UTP6: variants seen among roughly 807,000 people sequenced by gnomAD.
The protein encoded by UTP6 is UTP6 small subunit processome component.
UTP6 carries 60 observed loss-of-function variants against 96.5 expected under a neutral mutation model. That is an observed-to-expected ratio of 0.62 (90% CI 0.51 to 0.77). The LOEUF (loss-of-function observed/expected upper bound fraction) is 0.77, where lower values mean the gene tolerates loss of function less well. Among genes scored for constraint, UTP6 ranks in the 30% least tolerant of loss-of-function variants. The probability of loss-of-function intolerance (pLI) is 0.00; values close to 1 mark genes in which losing one functional copy is unlikely to be tolerated. For missense variants in UTP6, 637 were observed against 706.5 expected (o/e 0.90, Z 1.12); for synonymous variants, 215 against 240.1 (o/e 0.90, Z 0.96).
intron 18 of UTP6, 63 bp from the exon 19 acceptor site, chr17:31,863,579 T>C: frequency 7.0e-6 from 10 of 1,420,246 alleles, no homozygotes; most frequent in Non-Finnish European, 7.7e-6. Context: ...CCTTATTAAA[T>C]ATCAATTCAA....
At chr17:31,877,319 T>G (rs1192387027) in intron 13 of UTP6, among the ~76,000 whole-genome samples, 2 of 152,288 alleles carry the variant, frequency 1.3e-5, no homozygotes, top group Admixed American at 1.3e-4. Flanking sequence ...ATTGTACAAA[T>G]TTGTGAAAAA....
chr17:31,897,360 A>G (rs1237900134), intron 2 of UTP6, among the ~76,000 whole-genome samples: 2 of 152,064 alleles, frequency 1.3e-5, no homozygotes, highest in African/African-American at 4.8e-5. Flanking sequence ...GACCTCTTCC[A>G]AAAACAATAG....
chr17:31,898,029 A>G (rs949553800), intron 2 of UTP6, among the ~76,000 whole-genome samples: 17 of 152,070 alleles, frequency 1.1e-4, no homozygotes, highest in African/African-American at 4.1e-4. Flanking sequence ...CTCTTGCTGA[A>G]GTCCTGATAC....
chr17:31,869,235 C>G (rs1414737136), intron 16 of UTP6, among the ~76,000 whole-genome samples: 1 of 152,196 alleles, frequency 6.6e-6, no homozygotes, highest in East Asian at 1.9e-4. Context: ...GTGCTGAGAT[C>G]ATGACTCACT....
chr17:31,865,124 T>G (rs575245928), intron 18 of UTP6, among the ~76,000 whole-genome samples: 1 of 152,316 alleles, frequency 6.6e-6, no homozygotes, highest in East Asian at 1.9e-4. Flanking sequence ...GCTCAAGCGA[T>G]TCTCCTGCCT....
chr17:31,899,691 GA>G lies in UTP6; in HGVS notation c.131del (p.Ile44ThrfsTer24). On this transcript the variant is annotated frameshift_variant, in exon 2 of 19. Transcript: ENST00000261708. LOFTEE classifies it high-confidence loss of function. ...IKKASDLEYK[I>X]QRRTLFKEDF... ...CTTCCTTGAAAAGGGTTCTTCTCTG[GA>G]TTTTGTACTCTAGATCGGAAGCCTT... is the stretch of plus-strand genomic sequence containing the variant. 6.2e-7 allele frequency: 1 copy of G among 1,606,080 alleles called. No homozygotes were observed. The highest frequency in any genetic ancestry group is 8.5e-7 in the Non-Finnish European group (1 of 1,176,166).
At chr17:31,898,214 C>G (rs1340927710) in intron 2 of UTP6, among the ~76,000 whole-genome samples, 2 of 152,088 alleles carry the variant, frequency 1.3e-5, no homozygotes, top group Non-Finnish European at 2.9e-5. Flanking sequence ...ATCTAATGAA[C>G]GTTTCTGGAA....
intron 6 of UTP6, among the ~76,000 whole-genome samples, chr17:31,891,522 C>T (rs1248627475): frequency 1.3e-5 from 2 of 152,090 alleles, no homozygotes; most frequent in Non-Finnish European, 2.9e-5. Flanking sequence ...GGTGCTGAGG[C>T]CCCTCCACTA....
At chr17:31,890,759 A>G (rs7218801) in intron 6 of UTP6, among the ~76,000 whole-genome samples, 131,303 of 152,132 alleles carry the variant, frequency 0.86, 56,786 homozygotes, top group African/African-American at 0.91. Flanking sequence ...GCTGAGGTGC[A>G]CAGATCGTTT....
intron 11 of UTP6, among the ~76,000 whole-genome samples, 170 bp from the exon 12 acceptor site, chr17:31,878,951 T>C (rs1300512088): frequency 6.6e-6 from 1 of 152,202 alleles, no homozygotes; most frequent in African/African-American, 2.4e-5. Flanking sequence ...AGTGTTATGC[T>C]GACTACAGCC....
intron 6 of UTP6, among the ~76,000 whole-genome samples, chr17:31,890,569 G>A (rs1311522312): frequency 6.6e-6 from 1 of 150,412 alleles, no homozygotes. Flanking sequence ...AGTGAGCTGA[G>A]ATCACACGAC....
chr17:31,889,470 A>C, intron 6 of UTP6, 67 bp from the exon 7 acceptor site: 7 of 1,268,266 alleles, frequency 5.5e-6, no homozygotes, highest in Admixed American at 2.2e-5. Context: ...AAAGAACCAA[A>C]TGATCCAATT....
intron 10 of UTP6, among the ~76,000 whole-genome samples, chr17:31,883,294 T>A (rs1240889229): frequency 6.6e-6 from 1 of 151,806 alleles, no homozygotes; most frequent in Non-Finnish European, 1.5e-5. Flanking sequence ...AAATAGAATT[T>A]AGAATTTTAT....
At chr17:31,877,865 G>C (rs1910585342) in intron 13 of UTP6, among the ~76,000 whole-genome samples, 2 of 151,646 alleles carry the variant, frequency 1.3e-5, no homozygotes, top group Non-Finnish European at 2.9e-5. Flanking sequence ...TACTTGGGAG[G>C]CTAAGGCACA....
chr17:31,879,679 A>C (rs1409558559), intron 11 of UTP6, among the ~76,000 whole-genome samples: 1 of 152,082 alleles, frequency 6.6e-6, no homozygotes, highest in Non-Finnish European at 1.5e-5. Flanking sequence ...CTCAAAAAAA[A>C]ACATAGATAA....
In UTP6 at chr17:31,880,746, G is replaced by A; in HGVS notation, c.794C>T (p.Ala265Val). The change falls in exon 11 of 19, where the codon GCT becomes GTT. Residue 265 changes from alanine to valine, a missense_variant. Transcript: ENST00000261708. ...AGTGAGAGGATCATCTGTGTGTAGA[G>A]CCTGAAGGCTGAAAAATACAATTTA... ...LQKEIYDDLQ[A>V]LHTDDPLTWD... is the part of the protein sequence containing the mutation. 3 of 1,613,862 alleles carry A rather than the reference G, an allele frequency of 1.9e-6. No homozygotes were observed. Among genetic ancestry groups the A allele is most frequent in the Non-Finnish European group, 2.5e-6 (3 of 1,179,958 alleles).
intron 14 of UTP6, 133 bp downstream of exon 14, chr17:31,875,101 T>G: frequency 1.0e-6 from 1 of 1,001,512 alleles, no homozygotes; most frequent in South Asian, 1.7e-5. Flanking sequence ...TCTTAACCTA[T>G]GAACCATCAC....
chr17:31,889,212 A>G (rs1418806804), intron 7 of UTP6, 73 bp downstream of exon 7: 2 of 1,196,770 alleles, frequency 1.7e-6, no homozygotes, highest in African/African-American at 3.1e-5. Context: ...GCTTGAATCC[A>G]GGAAAAAAAA....
intron 16 of UTP6, 198 bp downstream of exon 16, chr17:31,873,180 G>A (rs1910288820): frequency 2.1e-6 from 1 of 479,558 alleles, no homozygotes; most frequent in African/African-American, 2.0e-5. Context: ...CTTGAACGCA[G>A]GAGGCGGAGA....
Sources: gnomAD v4.1 joint callset for allele counts (sites outside exome capture counted in the v4.1 genomes callset) on GRCh38, gnomAD v4.1.1 for gene constraint, MANE v1.5 for transcripts, NCBI Gene and HGNC (gene_info 2026-07-23, HGNC 2026-07-21) for gene names.